BCAS4: variants seen among roughly 807,000 people sequenced by gnomAD.
BCAS4 encodes the protein breast carcinoma-amplified sequence 4.
BCAS4 carries 9 observed loss-of-function variants against 15.7 expected under a neutral mutation model. The observed-to-expected ratio is 0.57, with a 90% CI of 0.34 to 1.00. The LOEUF (loss-of-function observed/expected upper bound fraction) is 1.00. Among genes scored for constraint, BCAS4 ranks in the 50% least tolerant of loss-of-function variants. The probability of loss-of-function intolerance (pLI) is 0.02; values close to 1 mark genes in which losing one functional copy is unlikely to be tolerated. For missense variants in BCAS4, 225 were observed against 239.1 expected, an observed-to-expected ratio of 0.94 and a Z score of 0.39; for synonymous variants, 101 against 99.5, an observed-to-expected ratio of 1.02 and a Z score of -0.09.
intron 3 of BCAS4, among the ~76,000 whole-genome samples, chr20:50,838,704 C>T (rs574946165): frequency 2.0e-5 from 3 of 152,092 alleles, no homozygotes; most frequent in South Asian, 4.2e-4. Context: ...ATTAGCTGGA[C>T]GTGGTGGTGC....
intron 3 of BCAS4, among the ~76,000 whole-genome samples, chr20:50,838,194 A>C (rs1600874358): frequency 6.6e-6 from 1 of 152,270 alleles, no homozygotes; most frequent in Non-Finnish European, 1.5e-5. Context: ...TGCATCCGCC[A>C]CCCATATGGG....
chr20:50,838,879 C>T (rs896085226), intron 3 of BCAS4, among the ~76,000 whole-genome samples: 1 of 151,986 alleles, frequency 6.6e-6, no homozygotes, highest in Non-Finnish European at 1.5e-5. Flanking sequence ...CACCCACACA[C>T]ACAAGCAGGG....
chr20:50,861,666 G>C (rs143709934), intron 4 of BCAS4, among the ~76,000 whole-genome samples: 11 of 151,996 alleles, frequency 7.2e-5, no homozygotes, highest in Non-Finnish European at 1.5e-4. Context: ...CCCTTGGAGC[G>C]ACTACCCCAG....
At chr20:50,881,837 T>TTTTGTGTC (rs1354795087), downstream of BCAS4, 1 of 151,880 alleles carries the variant, frequency 6.6e-6, no homozygotes, top group African/African-American at 2.4e-5. Flanking sequence ...ATTTTTGTGT[T>TTTTGTGTC]TTTAGTAAAG....
chr20:50,818,949 A>G (rs6020767), intron 2 of BCAS4, among the ~76,000 whole-genome samples: 59,154 of 151,658 alleles, frequency 0.39, 14,631 homozygotes, highest in African/African-American at 0.72. Flanking sequence ...TTGGGAGGCC[A>G]AAGCGGGCAG....
chr20:50,866,237 C>T (rs1355439031), intron 4 of BCAS4, among the ~76,000 whole-genome samples: 1 of 152,210 alleles, frequency 6.6e-6, no homozygotes, highest in Non-Finnish European at 1.5e-5. Context: ...GTGGTGGGGG[C>T]CCCAGGTCAG....
At chr20:50,855,722 C>T (rs1978720332) in intron 4 of BCAS4, among the ~76,000 whole-genome samples, 2 of 152,256 alleles carry the variant, frequency 1.3e-5, no homozygotes, top group South Asian at 2.1e-4. Flanking sequence ...GGCATAAGTG[C>T]GCCCACAGGA....
intron 4 of BCAS4, among the ~76,000 whole-genome samples, chr20:50,856,169 C>T (rs950048424): frequency 2.0e-5 from 3 of 152,296 alleles, no homozygotes; most frequent in Middle Eastern, 3.4e-3. Context: ...AGAGGTGAGT[C>T]GTTTGTCAGT....
Position 50,818,235 on chromosome 20 carries a change from G to A in BCAS4, c.115G>A (p.Glu39Lys), listed in dbSNP as rs370907861. The stretch of plus-strand genomic sequence containing the variant: ...GGCGAAGGAGGTGGAGGAGACCATC[G>A]AGGGCATGCTCCTCAGGCTGGAAGA... ...AEAKEVEETI[E>K]GMLLRLEEFC... The change falls in exon 2 of 5, where the codon GAG becomes AAG. Residue 39 changes from glutamate (E) to lysine (K), a missense_variant. Transcript: ENST00000371608. 1.7e-4 allele frequency: 267 copies of A among 1,613,954 alleles called. No individual in the cohort carries two copies. The highest frequency in any genetic ancestry group is 2.1e-4 in the Non-Finnish European group (252 of 1,180,008).
chr20:50,876,133 T>G (rs1379988240), intron 4 of BCAS4: 4 of 411,632 alleles, frequency 9.7e-6, no homozygotes, highest in Non-Finnish European at 1.9e-5. Flanking sequence ...GTATTTTTAG[T>G]AGAGACAGGC....
chr20:50,836,137 C>T (rs998270230), intron 3 of BCAS4, among the ~76,000 whole-genome samples: 2 of 151,996 alleles, frequency 1.3e-5, no homozygotes, highest in African/African-American at 4.8e-5. Context: ...AGGCTGGTCC[C>T]GAACTCCTGA....
chr20:50,830,434 CT>C, intron 3 of BCAS4, 54 bp downstream of exon 3: 1 of 1,479,784 alleles, frequency 6.8e-7, no homozygotes, highest in Non-Finnish European at 9.3e-7. Context: ...TTGCTTTTGC[CT>C]TTTCCGCAAA....
intron 4 of BCAS4, among the ~76,000 whole-genome samples, chr20:50,855,054 AGCCAC>A (rs1428269964): frequency 6.6e-6 from 1 of 152,140 alleles, no homozygotes; most frequent in East Asian, 1.9e-4. Context: ...GGGTTGGGCT[AGCCAC>A]GCCCACCTGG....
chr20:50,827,413 A>C (rs1200259405), intron 2 of BCAS4, among the ~76,000 whole-genome samples: 1 of 152,228 alleles, frequency 6.6e-6, no homozygotes, highest in African/African-American at 2.4e-5. Flanking sequence ...AGCCTGCATA[A>C]GGTGGTGCCT....
At chr20:50,805,687 G>A (rs1050344857) in intron 1 of BCAS4, among the ~76,000 whole-genome samples, 1 of 152,030 alleles carries the variant, frequency 6.6e-6, no homozygotes, top group Admixed American at 6.6e-5. Flanking sequence ...GTCAAAAGTC[G>A]GAAACTGGCC....
chr20:50,819,939 C>T (rs1371931014), intron 2 of BCAS4, among the ~76,000 whole-genome samples: 2 of 152,114 alleles, frequency 1.3e-5, no homozygotes, highest in Non-Finnish European at 2.9e-5. Context: ...CAACCTCTGC[C>T]TCCCGGGTTC....
downstream of BCAS4, chr20:50,878,465 C>T (rs957150640): frequency 4.0e-5 from 6 of 151,780 alleles, no homozygotes; most frequent in East Asian, 3.9e-4. Context: ...CCACCATGCC[C>T]GGTCAGCATT....
In BCAS4 at chr20:50,876,673, T is replaced by C. The variant is rs1372694188; in HGVS notation, c.*65T>C. The stretch of plus-strand genomic sequence containing the variant: ...TTGTGTACACACTGCAGCTTGGGGG[T>C]TTTTTCTTTGTATTGCTGTTTATTT... On this transcript the variant is annotated 3_prime_UTR_variant, in exon 5 of 5. Transcript: ENST00000371608. The C allele has an allele frequency of 2.2e-5, 34 of 1,536,578 alleles. No homozygotes were observed. Among genetic ancestry groups the C allele is most frequent in the Non-Finnish European group, 2.4e-5 (28 of 1,146,122 alleles).
intron 4 of BCAS4, among the ~76,000 whole-genome samples, chr20:50,864,354 C>A (rs1193609071): frequency 6.6e-6 from 1 of 151,924 alleles, no homozygotes; most frequent in African/African-American, 2.4e-5. Context: ...GATCACCATT[C>A]ATATCCCTGC....
Sources: gnomAD v4.1 joint callset for allele counts (sites outside exome capture counted in the v4.1 genomes callset) on GRCh38, gnomAD v4.1.1 for gene constraint, MANE v1.5 for transcripts, NCBI Gene and HGNC (gene_info 2026-07-23, HGNC 2026-07-21) for gene names.